UST: variants seen among roughly 807,000 people sequenced by gnomAD.
UST encodes the protein chondroitin sulfate 2-O-sulfotransferase.
Under a neutral mutation model 45.6 loss-of-function variants are expected in UST, and 21 were observed. The ratio of observed to expected loss-of-function variants is 0.46; its 90% CI spans 0.33 to 0.66. The LOEUF (loss-of-function observed/expected upper bound fraction) is 0.66. UST is among the 30% of genes least tolerant of loss of function. UST has a pLI of 0.02. For synonymous variants in UST, 215 were observed against 200.6 expected (o/e 1.07, Z -0.61); for missense variants, 463 against 512.4 (o/e 0.90, Z 0.93).
chr6:148,845,294 C>T (rs140156318), intron 1 of UST, among the ~76,000 whole-genome samples: 1 of 152,318 alleles, frequency 6.6e-6, no homozygotes, highest in Non-Finnish European at 1.5e-5. Context: ...TTTGCAGCCT[C>T]ACAGGGCTGC....
intron 1 of UST, among the ~76,000 whole-genome samples, chr6:148,825,888 AC>A (rs765809119): frequency 2.0e-5 from 3 of 152,080 alleles, no homozygotes; most frequent in Non-Finnish European, 4.4e-5. Context: ...AGGGGGAAAT[AC>A]CTCCCTCATT....
intron 2 of UST, among the ~76,000 whole-genome samples, chr6:148,940,713 C>T (rs1047949788): frequency 6.6e-6 from 1 of 152,190 alleles, no homozygotes; most frequent in Non-Finnish European, 1.5e-5. Flanking sequence ...TTATACCCAT[C>T]CTCATGGCTG....
At chr6:148,948,000 C>T (rs1477000487) in intron 3 of UST, among the ~76,000 whole-genome samples, 1 of 152,132 alleles carries the variant, frequency 6.6e-6, no homozygotes, top group Non-Finnish European at 1.5e-5. Context: ...CTTCCAGTTG[C>T]AGCCATGAGA....
At chr6:148,927,688 T>C (rs35597451) in intron 2 of UST, among the ~76,000 whole-genome samples, 3 of 151,976 alleles carry the variant, frequency 2.0e-5, no homozygotes, top group Non-Finnish European at 4.4e-5. Flanking sequence ...ATAGAAGACA[T>C]TGTGCTCAAT....
intron 1 of UST, among the ~76,000 whole-genome samples, chr6:148,795,720 C>T (rs6929401): frequency 0.13 from 19,221 of 152,030 alleles, 1,406 homozygotes; most frequent in African/African-American, 0.21. Context: ...GCTGAGATGA[C>T]GTATTTTTGC....
intron 7 of UST, among the ~76,000 whole-genome samples, chr6:149,050,977 G>T (rs1776475514): frequency 6.6e-6 from 1 of 152,210 alleles, no homozygotes; most frequent in South Asian, 2.1e-4. Context: ...GGAGACTGCT[G>T]GGCAGGTGGT....
intron 7 of UST, among the ~76,000 whole-genome samples, chr6:149,037,016 C>CCTGTGCT (rs1776248314): frequency 6.6e-6 from 1 of 152,096 alleles, no homozygotes; most frequent in South Asian, 2.1e-4. Context: ...AGGACATCTT[C>CCTGTGCT]GTTTCCTGTG....
chr6:148,960,245 C>T (rs1008523796), intron 4 of UST, among the ~76,000 whole-genome samples: 49 of 152,138 alleles, frequency 3.2e-4, no homozygotes, highest in Admixed American at 1.7e-3. Flanking sequence ...GCCGAGATCA[C>T]GCCATTGCAC....
At chr6:149,015,100 T>A (rs949283527) in intron 5 of UST, among the ~76,000 whole-genome samples, 1 of 152,004 alleles carries the variant, frequency 6.6e-6, no homozygotes, top group Non-Finnish European at 1.5e-5. Flanking sequence ...GACTGGAGTT[T>A]CCTCTGAGAC....
chr6:148,774,047 C>G (rs1776483307), intron 1 of UST, among the ~76,000 whole-genome samples: 1 of 152,110 alleles, frequency 6.6e-6, no homozygotes, highest in Admixed American at 6.5e-5. Context: ...AAAATCCTGG[C>G]ATGGAGAAAG....
rs1040995665 is a variant in UST at position 148,777,703 on chromosome 6, C to G, written c.247+30026C>G. ...GGGATTATGGGCACCTGCCACCACACCCAGCTACTTTTTGTACCTTTTAAA... is the reference window on the plus strand; with the variant it reads ...GGGATTATGGGCACCTGCCACCACAGCCAGCTACTTTTTGTACCTTTTAAA... On this transcript the variant is annotated intron_variant, in intron 1 of 7. Transcript: ENST00000367463. Among the ~76,000 whole-genome samples the G allele has an allele frequency of 3.3e-5, 5 of 152,176 alleles. No homozygotes were observed. The East Asian group carries it at 9.6e-4, about 29-fold the overall frequency.
intron 1 of UST, among the ~76,000 whole-genome samples, chr6:148,867,951 A>T (rs1204195363): frequency 2.0e-5 from 3 of 152,166 alleles, no homozygotes; most frequent in African/African-American, 7.2e-5. Flanking sequence ...AGGTTGGAAG[A>T]TCATCCTGTG....
In UST at chr6:148,810,137, A is replaced by G. The variant is rs558192711; in HGVS notation, c.247+62460A>G. Among the ~76,000 whole-genome samples, 259 of 152,346 alleles carry G rather than the reference A, an allele frequency of 1.7e-3. 1 individual carries two copies. Among genetic ancestry groups the G allele is most frequent in the Non-Finnish European group, 2.6e-3 (177 of 68,034 alleles). On this transcript the variant is annotated intron_variant, in intron 1 of 7. Coordinates refer to ENST00000367463, the MANE Select transcript of UST (RefSeq NM_005715.3). ...CCCAGTAGCCAGAAGCAAGCTGAAC[A>G]TTAAAACTTTGGGACTCTGACCACA...
intron 4 of UST, among the ~76,000 whole-genome samples, chr6:148,964,171 A>G (rs776224504): frequency 3.9e-5 from 6 of 152,164 alleles, no homozygotes; most frequent in Non-Finnish European, 8.8e-5. Flanking sequence ...GTGCTATACT[A>G]TGAAATGTCC....
rs1433171288 is a variant in UST, at chr6:148,991,804, A to G, written c.681+27241A>G. Among the ~76,000 whole-genome samples, 64 of 152,096 alleles carry G rather than the reference A, an allele frequency of 4.2e-4. 1 individual carries two copies. The highest frequency in any genetic ancestry group is 1.2e-4 in the Non-Finnish European group (8 of 67,994). ...TTAGGTCTCCTTTATAATCCTGTTTATTATATACATTTAAGCATATTGCCC... is the reference window on the plus strand; with the variant it reads ...TTAGGTCTCCTTTATAATCCTGTTTGTTATATACATTTAAGCATATTGCCC... On this transcript the variant is annotated intron_variant, in intron 5 of 7. Transcript: ENST00000367463.
At chr6:148,982,878 ATAT>A (rs1483854046) in intron 5 of UST, among the ~76,000 whole-genome samples, 1 of 152,170 alleles carries the variant, frequency 6.6e-6, no homozygotes, top group Non-Finnish European at 1.5e-5. Flanking sequence ...CTGGGGCAAG[ATAT>A]TATTTGTTTC....
intron 3 of UST, among the ~76,000 whole-genome samples, chr6:148,943,644 C>T (rs1780174791): frequency 6.6e-6 from 1 of 152,176 alleles, no homozygotes; most frequent in South Asian, 2.1e-4. Flanking sequence ...AGAGAAGAGA[C>T]TAGACAGTCT....
intron 4 of UST, among the ~76,000 whole-genome samples, chr6:148,961,190 A>C (rs1035105093): frequency 6.6e-6 from 1 of 152,242 alleles, no homozygotes; most frequent in African/African-American, 2.4e-5. Flanking sequence ...GAGTGCTTAC[A>C]GAGTCGGGGA....
intron 5 of UST, among the ~76,000 whole-genome samples, chr6:149,013,109 C>G (rs1161783718): frequency 2.0e-5 from 3 of 152,194 alleles, no homozygotes; most frequent in Non-Finnish European, 2.9e-5. Flanking sequence ...TGATACCAAC[C>G]TTGGTGGTTT....
Sources: gnomAD v4.1 joint callset for allele counts (sites outside exome capture counted in the v4.1 genomes callset) on GRCh38, gnomAD v4.1.1 for gene constraint, MANE v1.5 for transcripts, NCBI Gene and HGNC (gene_info 2026-07-23, HGNC 2026-07-21) for gene names.